PTPRJ: variants seen among roughly 807,000 people sequenced by gnomAD.
PTPRJ encodes the protein receptor-type tyrosine-protein phosphatase eta.
PTPRJ carries 129 observed loss-of-function variants against 141.3 expected under a neutral mutation model. That is an observed-to-expected ratio of 0.91 (90% CI 0.79 to 1.06). PTPRJ has a LOEUF of 1.06. PTPRJ is among the 50% of genes least tolerant of loss of function. PTPRJ has a pLI of 0.00. For missense variants in PTPRJ, 1,601 were observed against 1,679.7 expected (o/e 0.95, Z 0.82); for synonymous variants, 610 against 640.5 (o/e 0.95, Z 0.72).
intron 1 of PTPRJ, among the ~76,000 whole-genome samples, chr11:47,997,872 AG>A (rs1854386284): frequency 1.3e-5 from 2 of 152,030 alleles, no homozygotes; most frequent in Non-Finnish European, 2.9e-5. Flanking sequence ...GTAAAGCGAG[AG>A]AGAGAATGCC....
intron 3 of PTPRJ, among the ~76,000 whole-genome samples, chr11:48,117,273 G>C (rs1191792160): frequency 6.6e-6 from 1 of 152,144 alleles, no homozygotes; most frequent in African/African-American, 2.4e-5. Flanking sequence ...GGGCACAGTG[G>C]CTCGTGCCTG....
chr11:48,060,926 C>T (rs1854904831), intron 1 of PTPRJ, among the ~76,000 whole-genome samples: 1 of 152,204 alleles, frequency 6.6e-6, no homozygotes, highest in Non-Finnish European at 1.5e-5. Context: ...CAGTGTGCTG[C>T]TTGGGGACCA....
intron 1 of PTPRJ, among the ~76,000 whole-genome samples, chr11:47,988,466 C>T (rs190588863): frequency 6.6e-6 from 1 of 152,238 alleles, no homozygotes; most frequent in Admixed American, 6.5e-5. Context: ...CCACCTCGGC[C>T]TCCCACAGTG....
At chr11:48,110,163 C>A in intron 2 of PTPRJ, 87 bp downstream of exon 2, 1 of 1,371,360 alleles carries the variant, frequency 7.3e-7, no homozygotes, top group Non-Finnish European at 1.0e-6. Flanking sequence ...ATGTGAAATG[C>A]TAATTTATTA....
chr11:48,042,759 G>GGTGTGTGTGT lies in PTPRJ; in HGVS notation c.96+61769_96+61778dup, dbSNP rs757012527. Among the ~76,000 whole-genome samples the GGTGTGTGTGT allele has an allele frequency of 3.6e-3, 533 of 146,490 alleles. 4 individuals are homozygous for GGTGTGTGTGT. The highest frequency in any genetic ancestry group is 0.013 in the African/African-American group (517 of 39,094). The stretch of plus-strand genomic sequence containing the variant: ...TCTTTTGCCTGTGTGTGTGTGTAGG[G>GGTGTGTGTGT]GTGTGTGTGTGTGTGTGTGTGTGTG... On this transcript the variant is annotated intron_variant, in intron 1 of 24. Coordinates refer to ENST00000418331, the MANE Select transcript of PTPRJ (RefSeq NM_002843.4).
intron 1 of PTPRJ, among the ~76,000 whole-genome samples, chr11:48,077,297 A>G (rs1855428989): frequency 6.6e-6 from 1 of 152,232 alleles, no homozygotes; most frequent in South Asian, 2.1e-4. Context: ...TGCAGGTTAC[A>G]TAGCAGAAAA....
intron 1 of PTPRJ, among the ~76,000 whole-genome samples, chr11:48,032,443 C>T (rs1022971846): frequency 6.6e-6 from 1 of 152,178 alleles, no homozygotes; most frequent in Non-Finnish European, 1.5e-5. Context: ...CTCTTTGCTA[C>T]CTTGGCTTCT....
chr11:48,040,671 G>A (rs917430754), intron 1 of PTPRJ, among the ~76,000 whole-genome samples: 1 of 146,662 alleles, frequency 6.8e-6, no homozygotes, highest in Admixed American at 6.8e-5. Context: ...GTGCAGTCTC[G>A]GCTTACTGCA....
chr11:48,162,077 C>T (rs1857797903), intron 22 of PTPRJ, among the ~76,000 whole-genome samples: 2 of 152,130 alleles, frequency 1.3e-5, no homozygotes, highest in African/African-American at 4.8e-5. Flanking sequence ...ATTAACTAAA[C>T]TCCAGACTTT....
At chr11:48,057,698 G>A (rs1590449667) in intron 1 of PTPRJ, among the ~76,000 whole-genome samples, 1 of 151,928 alleles carries the variant, frequency 6.6e-6, no homozygotes, top group Non-Finnish European at 1.5e-5. Context: ...CTGGAGTTTT[G>A]AGGGAAAAAA....
At chr11:48,023,111 A>G (rs1853701696) in intron 1 of PTPRJ, among the ~76,000 whole-genome samples, 2 of 152,180 alleles carry the variant, frequency 1.3e-5, no homozygotes. Context: ...TTATTTGGAT[A>G]AGGCAACCAG....
At chr11:48,008,579 T>C (rs925959441) in intron 1 of PTPRJ, among the ~76,000 whole-genome samples, 3 of 148,256 alleles carry the variant, frequency 2.0e-5, no homozygotes, top group Non-Finnish European at 4.5e-5. Flanking sequence ...TTTTTATTTT[T>C]TTGAGTTGAA....
At chr11:48,104,190 C>T (rs1027307186) in intron 1 of PTPRJ, among the ~76,000 whole-genome samples, 2 of 152,162 alleles carry the variant, frequency 1.3e-5, no homozygotes, top group African/African-American at 2.4e-5. Context: ...GGGAGATAGG[C>T]CACCCCACAG....
chr11:48,075,136 T>G (rs921570341), intron 1 of PTPRJ, among the ~76,000 whole-genome samples: 3 of 152,144 alleles, frequency 2.0e-5, no homozygotes, highest in African/African-American at 4.8e-5. Flanking sequence ...TATTTATTTA[T>G]TTAGTTAGTT....
intron 1 of PTPRJ, among the ~76,000 whole-genome samples, chr11:47,982,933 A>G (rs1418966102): frequency 1.3e-5 from 2 of 152,078 alleles, no homozygotes; most frequent in Non-Finnish European, 2.9e-5. Context: ...TAGGAAGTCT[A>G]AAAGGCTCCC....
At chr11:48,073,029 T>C (rs1344602003) in intron 1 of PTPRJ, among the ~76,000 whole-genome samples, 1 of 152,234 alleles carries the variant, frequency 6.6e-6, no homozygotes, top group Non-Finnish European at 1.5e-5. Flanking sequence ...AAGTGATATA[T>C]GTGTTCATAG....
rs957947273 is a variant in PTPRJ, at chr11:48,163,380, C to G, written c.3559-78C>G. 58 of 1,415,492 alleles carry G rather than the reference C, an allele frequency of 4.1e-5. 1 individual carries two copies. The Middle Eastern group carries it at 8.8e-4, about 21-fold the overall frequency. The allele number at this position is 1,415,492 out of a possible 1,614,324, so 87.7% of individuals were successfully genotyped here. A position where few individuals can be genotyped will look rare whatever the true frequency, so the allele number is the denominator to read the frequency against. On this transcript the variant is annotated intron_variant, in intron 22 of 24. Transcript: ENST00000418331. ...ACAACTCCTGGTTAGTACTCAGGCT[C>G]TGCTTGATTTCCCCTGCCTTTTTGA...
intron 1 of PTPRJ, among the ~76,000 whole-genome samples, chr11:48,062,955 T>C (rs890126393): frequency 2.0e-5 from 3 of 152,152 alleles, no homozygotes; most frequent in Admixed American, 2.0e-4. Flanking sequence ...AAGAGCAGAT[T>C]TGTATGAATG....
At chr11:48,047,572 C>T (rs1175496775) in intron 1 of PTPRJ, among the ~76,000 whole-genome samples, 3 of 150,964 alleles carry the variant, frequency 2.0e-5, no homozygotes, top group Admixed American at 2.0e-4. Context: ...GGTGGGATCT[C>T]AGCTCACTGC....
Sources: gnomAD v4.1 joint callset for allele counts (sites outside exome capture counted in the v4.1 genomes callset) on GRCh38, gnomAD v4.1.1 for gene constraint, MANE v1.5 for transcripts, NCBI Gene and HGNC (gene_info 2026-07-23, HGNC 2026-07-21) for gene names.